PCBP3: variants seen among roughly 807,000 people sequenced by gnomAD.
The protein encoded by PCBP3 is poly(rC)-binding protein 3.
In PCBP3, 25 loss-of-function variants were observed where a neutral mutation model predicts 52.7. The ratio of observed to expected loss-of-function variants is 0.47; its 90% confidence interval spans 0.35 to 0.66. The LOEUF is 0.66. PCBP3 is among the 30% of genes least tolerant of loss of function. PCBP3 has a pLI of 0.01. For synonymous variants in PCBP3, 162 were observed against 183.0 expected (o/e 0.89, Z 0.93); for missense variants, 391 against 490.3 (o/e 0.80, Z 1.91).
At chr21:45,820,879 C>T (rs1053432913) in intron 4 of PCBP3, among the ~76,000 whole-genome samples, 3 of 152,172 alleles carry the variant, frequency 2.0e-5, no homozygotes, top group Non-Finnish European at 2.9e-5. Flanking sequence ...CTGTGTGCCC[C>T]GCCTTCAGCA....
chr21:45,852,775 G>GCAGCCATGCTGATTTTTGT (rs1603450723), intron 5 of PCBP3, among the ~76,000 whole-genome samples: 2 of 152,154 alleles, frequency 1.3e-5, no homozygotes, highest in East Asian at 1.9e-4. Context: ...ACACAGCCCT[G>GCAGCCATGCTGATTTTTGT]TAAACACCGT....
intron 13 of PCBP3, chr21:45,918,395 G>A (rs1380599929): frequency 1.1e-5 from 1 of 94,568 alleles, no homozygotes; most frequent in Admixed American, 9.8e-5. Flanking sequence ...TAATTCCAGT[G>A]CTGGGGGAAG....
At chr21:45,684,259 A>G (rs2082025827) in intron 2 of PCBP3, among the ~76,000 whole-genome samples, 2 of 152,104 alleles carry the variant, frequency 1.3e-5, no homozygotes, top group Non-Finnish European at 1.5e-5. Flanking sequence ...AAAAGTAATA[A>G]GGTCCTGTGG....
In PCBP3 at chr21:45,733,246, A is replaced by G. The variant is rs574164346; in HGVS notation, c.-199-2146A>G. On this transcript the variant is annotated intron_variant, in intron 2 of 17. Transcript: ENST00000681687. ...TTAGCATTTTATGCTTTCCTGTATC[A>G]TCTTCTACATATACAATGTATTTAT... Among the ~76,000 whole-genome samples the G allele has an allele frequency of 8.5e-5, 13 of 152,276 alleles. No homozygotes were observed. The South Asian group carries it at 2.5e-3, about 29-fold the overall frequency.
intron 12 of PCBP3, chr21:45,915,891 A>G (rs2073325094): frequency 6.6e-6 from 1 of 152,298 alleles, no homozygotes; most frequent in African/African-American, 2.4e-5. Context: ...TCAGACCCAC[A>G]GTGCCTAGAT....
In PCBP3 at chr21:45,741,691, T is replaced by C; in HGVS notation, c.-162+6262T>C. On this transcript the variant is annotated intron_variant, in intron 3 of 17. Coordinates refer to ENST00000681687, the MANE Select transcript of PCBP3 (RefSeq NM_001384156.1). This position sits in a 1 kb window ranked among gnomAD's most constrained non-coding sequence, Gnocchi z 4.5. ...TAAAAATAAAAAATTTTAAAGGTTA[T>C]ATGGCAAATATTATTTTATAAAAAA... Among the ~76,000 whole-genome samples, 2 of 152,328 alleles carry C rather than the reference T, an allele frequency of 1.3e-5. No homozygotes were observed. The highest frequency in any genetic ancestry group is 1.3e-4 in the Admixed American group (2 of 15,308).
rs57818683 is a variant in PCBP3 at position 45,809,814 on chromosome 21, G to A, written c.-125-40147G>A. ...GGGCAGAATTCTAGGGGGTCCTAAG[G>A]CTTCTGCTCTCTGGTGTACAAGCCT... On this transcript the variant is annotated intron_variant, in intron 4 of 17. Coordinates refer to ENST00000681687, the MANE Select transcript of PCBP3 (RefSeq NM_001384156.1). Among the ~76,000 whole-genome samples the A allele has an allele frequency of 3.3e-4, 50 of 152,336 alleles. No homozygotes were observed. The East Asian group carries it at 6.0e-3, about 18-fold the overall frequency.
chr21:45,859,678 T>A (rs1334801923), intron 5 of PCBP3: 1 of 152,246 alleles, frequency 6.6e-6, no homozygotes, highest in Non-Finnish European at 1.5e-5. Context: ...GGCTCCACAC[T>A]CGGCTGGGCA....
At chr21:45,797,170 A>G (rs541169822) in intron 4 of PCBP3, among the ~76,000 whole-genome samples, 1 of 152,232 alleles carries the variant, frequency 6.6e-6, no homozygotes, top group Non-Finnish European at 1.5e-5. Flanking sequence ...GGACAGATGT[A>G]TGGATCCGTA....
chr21:45,652,589 G>A (rs1048497445), intron 1 of PCBP3, among the ~76,000 whole-genome samples: 6 of 151,890 alleles, frequency 4.0e-5, no homozygotes, highest in Non-Finnish European at 5.9e-5. Context: ...TTACAGGCAC[G>A]TTCCACCACG....
intron 4 of PCBP3, chr21:45,760,434 G>A (rs2088523547): frequency 6.6e-6 from 1 of 152,224 alleles, no homozygotes; most frequent in Non-Finnish European, 1.5e-5. Flanking sequence ...AAACAAAGTT[G>A]TATGCATGTG....
intron 2 of PCBP3, among the ~76,000 whole-genome samples, chr21:45,715,846 G>A (rs1042312299): frequency 4.6e-5 from 7 of 151,932 alleles, no homozygotes; most frequent in African/African-American, 1.7e-4. Context: ...TGTTTTTATT[G>A]TTCTAGGAAT....
intron 4 of PCBP3, among the ~76,000 whole-genome samples, chr21:45,780,735 G>T (rs940546259): frequency 1.3e-5 from 2 of 152,154 alleles, no homozygotes; most frequent in Non-Finnish European, 2.9e-5. Flanking sequence ...AGCCATGCAG[G>T]GCCAGTAGGC....
At chr21:45,763,702 G>A (rs1218920062) in intron 4 of PCBP3, 1 of 152,366 alleles carries the variant, frequency 6.6e-6, no homozygotes, top group Non-Finnish European at 1.5e-5. Flanking sequence ...CGCCCTCCCC[G>A]CGGGTCTCCC....
At chr21:45,749,361 G>A (rs977621677) in intron 3 of PCBP3, 4 of 152,118 alleles carry the variant, frequency 2.6e-5, no homozygotes, top group African/African-American at 4.8e-5. Context: ...CAGTCACACT[G>A]CGTCTTTTCT....
chr21:45,910,684 G>A (rs1202435498), intron 10 of PCBP3, among the ~76,000 whole-genome samples: 1 of 152,082 alleles, frequency 6.6e-6, no homozygotes, highest in African/African-American at 2.4e-5. Flanking sequence ...CAGGTGCCAA[G>A]TGCGCCCGAG....
intron 2 of PCBP3, among the ~76,000 whole-genome samples, chr21:45,687,457 C>T (rs550634688): frequency 2.6e-4 from 39 of 151,910 alleles, no homozygotes; most frequent in African/African-American, 8.7e-4. Flanking sequence ...AATGGAATGC[C>T]AAAAGAGAAA....
chr21:45,913,216 G>A (rs566277596), intron 11 of PCBP3, among the ~76,000 whole-genome samples: 14 of 152,354 alleles, frequency 9.2e-5, no homozygotes, highest in Non-Finnish European at 1.5e-4. Flanking sequence ...CTGTGTTTCC[G>A]ACAGAATACC....
At chr21:45,811,321 G>A (rs546745117) in intron 4 of PCBP3, among the ~76,000 whole-genome samples, 20 of 152,328 alleles carry the variant, frequency 1.3e-4, no homozygotes, top group South Asian at 8.3e-4. Context: ...GGAGGCTCAC[G>A]GGGAGGACTC....
Sources: gnomAD v4.1 joint callset for allele counts (sites outside exome capture counted in the v4.1 genomes callset) on GRCh38, gnomAD v4.1.1 for gene constraint, Gnocchi (gnomAD v3.1) non-coding constraint, MANE v1.5 for transcripts, NCBI Gene and HGNC (gene_info 2026-07-23, HGNC 2026-07-21) for gene names.